MYO10: variants seen among roughly 807,000 people sequenced by gnomAD.
The protein encoded by MYO10 is myosin X.
In MYO10, 133 loss-of-function variants were observed where a neutral mutation model predicts 257.3. The ratio of observed to expected loss-of-function variants is 0.52; its 90% confidence interval spans 0.45 to 0.60. MYO10 has a LOEUF of 0.60. MYO10 is among the 20% of genes least tolerant of loss of function. MYO10 has a pLI of 0.00. For missense variants in MYO10, 2,399 were observed against 2,635.7 expected, an observed-to-expected ratio of 0.91 and a Z score of 1.97; for synonymous variants, 1,104 against 1,028.6, an observed-to-expected ratio of 1.07 and a Z score of -1.40.
intron 18 of MYO10, among the ~76,000 whole-genome samples, chr5:16,757,492 G>A (rs1387802884): frequency 1.3e-5 from 2 of 152,104 alleles, no homozygotes; most frequent in African/African-American, 4.8e-5. Context: ...ATCCAGATAT[G>A]AGAAGAAATA....
chr5:16,825,841 C>A (rs1208299370), intron 2 of MYO10, among the ~76,000 whole-genome samples: 1 of 151,102 alleles, frequency 6.6e-6, no homozygotes, highest in Non-Finnish European at 1.5e-5. Flanking sequence ...ACAGCGAGAC[C>A]CTGTCTCAAA....
chr5:16,824,339 G>A (rs562501919), intron 2 of MYO10, among the ~76,000 whole-genome samples: 1 of 152,200 alleles, frequency 6.6e-6, no homozygotes, highest in South Asian at 2.1e-4. Context: ...ACAACACCTG[G>A]AAAGATTTTT....
At chr5:16,918,495 C>CT (rs1422704020) in intron 1 of MYO10, among the ~76,000 whole-genome samples, 67 of 87,250 alleles carry the variant, frequency 7.7e-4, no homozygotes, top group African/African-American at 2.7e-3. Flanking sequence ...AACTATTTTT[C>CT]TTTTCTTTTT....
chr5:16,744,623 G>A (rs1014535023), intron 19 of MYO10, among the ~76,000 whole-genome samples: 6 of 151,802 alleles, frequency 4.0e-5, no homozygotes, highest in African/African-American at 7.2e-5. Flanking sequence ...CAGGCCCTGC[G>A]GGTAACTAAG....
chr5:16,778,777 G>T (rs895695427), intron 9 of MYO10, among the ~76,000 whole-genome samples: 1 of 141,262 alleles, frequency 7.1e-6, no homozygotes, highest in South Asian at 2.3e-4. Context: ...TGCAAGCTCC[G>T]CCTCCCGGGT....
chr5:16,839,597 G>C (rs987645883), intron 2 of MYO10, among the ~76,000 whole-genome samples: 1 of 151,992 alleles, frequency 6.6e-6, no homozygotes, highest in African/African-American at 2.4e-5. Flanking sequence ...ACAAAAATTA[G>C]CCAGGCACGG....
intron 2 of MYO10, among the ~76,000 whole-genome samples, chr5:16,858,582 T>C (rs74622905): frequency 0.013 from 2,031 of 152,344 alleles, 25 homozygotes; most frequent in South Asian, 0.027. Context: ...TCTGATTTTT[T>C]AGATGTCTGT....
At chr5:16,671,319 G>A (rs2126463997) in intron 38 of MYO10, 103 bp downstream of exon 38, 2 of 1,379,376 alleles carry the variant, frequency 1.4e-6, no homozygotes, top group South Asian at 2.8e-5. Flanking sequence ...AAATCCACAG[G>A]TGTGCCTCAT....
chr5:16,711,080 C>A, intron 20 of MYO10, 41 bp downstream of exon 20: 1 of 1,612,944 alleles, frequency 6.2e-7, no homozygotes, highest in East Asian at 2.2e-5. Context: ...TTTCTCCAAC[C>A]CCTTTGAAAA....
intron 1 of MYO10, among the ~76,000 whole-genome samples, chr5:16,882,985 G>A (rs929196327): frequency 2.0e-5 from 3 of 150,008 alleles, no homozygotes; most frequent in South Asian, 2.1e-4. Context: ...GTGCAATCTC[G>A]GCTCACTGCA....
chr5:16,671,912 A>ATG (rs957475776), intron 37 of MYO10, among the ~76,000 whole-genome samples: 4 of 152,176 alleles, frequency 2.6e-5, no homozygotes, highest in African/African-American at 7.2e-5. Context: ...ATAAAAATTG[A>ATG]TGTGAATACT....
intron 1 of MYO10, among the ~76,000 whole-genome samples, chr5:16,880,403 T>TC (rs752367704): frequency 6.0e-5 from 9 of 150,480 alleles, no homozygotes; most frequent in Non-Finnish European, 8.8e-5. Flanking sequence ...CTCACAGAGT[T>TC]CCCCGGAGAG....
chr5:16,928,285 C>T (rs1337119384), intron 1 of MYO10, among the ~76,000 whole-genome samples: 1 of 152,120 alleles, frequency 6.6e-6, no homozygotes, highest in South Asian at 2.1e-4. Context: ...ATCTTCACCT[C>T]CCGGATTCAA....
At chr5:16,762,468 CT>C (rs1740747095) in intron 15 of MYO10, 76 bp downstream of exon 15, 9 of 1,163,964 alleles carry the variant, frequency 7.7e-6, no homozygotes. Flanking sequence ...GGCCAGCGGA[CT>C]GACATGTCTG....
chr5:16,758,187 G>T lies in MYO10; in HGVS notation c.1779C>A (p.Ser593Arg). The T allele has an allele frequency of 6.2e-7, 1 of 1,613,604 alleles. No individual in the cohort carries two copies. The highest frequency in any genetic ancestry group is 8.5e-7 in the Non-Finnish European group (1 of 1,179,562). Residue 593 changes from serine (S) to arginine (R), a missense_variant, in exon 18 of 41, where the codon AGC (serine) becomes AGA (arginine). Ser to Arg is a moderately radical substitution (Grantham distance 110, BLOSUM62 -1). Around this residue, in one of 3 missense-constraint regions of MYO10, gnomAD observed 1,820 missense variants for 1,939.4 expected, o/e 0.94. Transcript: ENST00000513610. ...FIYDLFEHVS[S>R]RNNQDTLKCG... ...ATTTCAAGGTATCCTGGTTGTTGCG[G>T]CTTGAAACATGTTCAAAAAGATCGT... is the stretch of plus-strand genomic sequence containing the variant.
intron 35 of MYO10, 51 bp from the exon 36 acceptor site, chr5:16,673,940 C>T: frequency 6.5e-7 from 1 of 1,538,540 alleles, no homozygotes; most frequent in Admixed American, 1.7e-5. Context: ...GGGCTGGCTG[C>T]TGGGAGGAAC....
chr5:16,843,535 A>G (rs528944410), intron 2 of MYO10, among the ~76,000 whole-genome samples: 69 of 152,316 alleles, frequency 4.5e-4, no homozygotes, highest in Non-Finnish European at 8.5e-4. Flanking sequence ...CTAGCATCCA[A>G]GTGTTGGAAC....
chr5:16,849,290 T>C (rs1254478737), intron 2 of MYO10, among the ~76,000 whole-genome samples: 1 of 152,208 alleles, frequency 6.6e-6, no homozygotes, highest in African/African-American at 2.4e-5. Flanking sequence ...TATAATGGTT[T>C]TTCCACAGGT....
At chr5:16,886,178 C>T (rs571383729) in intron 1 of MYO10, among the ~76,000 whole-genome samples, 8 of 152,116 alleles carry the variant, frequency 5.3e-5, no homozygotes, top group African/African-American at 9.7e-5. Context: ...TCAAAGGATG[C>T]GGAGCTGAAG....
Sources: gnomAD v4.1 joint callset for allele counts (sites outside exome capture counted in the v4.1 genomes callset) on GRCh38, gnomAD v4.1.1 for gene constraint, gnomAD v4.1.1 regional missense constraint, MANE v1.5 for transcripts, NCBI Gene and HGNC (gene_info 2026-07-23, HGNC 2026-07-21) for gene names.